BEND2: variants seen among roughly 807,000 people sequenced by gnomAD.
The protein encoded by BEND2 is BEN domain containing 2.
Under a neutral mutation model 43.8 loss-of-function variants are expected in BEND2, and 19 were observed. The ratio of observed to expected loss-of-function variants is 0.43; its 90% CI spans 0.30 to 0.64. The LOEUF is 0.64. Among genes scored for constraint, BEND2 ranks in the 30% least tolerant of loss-of-function variants. The pLI is 0.11. For missense variants in BEND2, 544 were observed against 574.0 expected, an observed-to-expected ratio of 0.95 and a Z score of 0.53; for synonymous variants, 226 against 210.1, an observed-to-expected ratio of 1.08 and a Z score of -0.66.
chrX:18,188,007 C>A (rs946572746), intron 8 of BEND2, among the ~76,000 whole-genome samples: 1 of 109,509 alleles, frequency 9.1e-6, no homozygotes, highest in Middle Eastern at 4.7e-3. Context: ...CACAACATAC[C>A]AAAACCTATG....
At chrX:18,179,177 C>CTTTTTTTTT (rs1924285775) in intron 9 of BEND2, among the ~76,000 whole-genome samples, 2 of 74,581 alleles carry the variant, frequency 2.7e-5, no homozygotes, top group African/African-American at 5.1e-5. Context: ...ACTTTTGTTT[C>CTTTTTTTTT]TGTTTTTTTT....
intron 1 of BEND2, among the ~76,000 whole-genome samples, chrX:18,219,092 C>G (rs1032167857): frequency 9.0e-6 from 1 of 111,694 alleles, no homozygotes; most frequent in Admixed American, 9.5e-5. Flanking sequence ...TCTAAACCTT[C>G]CTGCGGGACT....
chrX:18,174,056 T>C lies in BEND2; in HGVS notation c.1955A>G (p.Asn652Ser), dbSNP rs1924058566. ...CCATGCTTCACCAGGTTCCTCTGGATTATCAGTGGAAGGTTCTCGCATTCC... is the reference window on the plus strand; with the variant it reads ...CCATGCTTCACCAGGTTCCTCTGGACTATCAGTGGAAGGTTCTCGCATTCC... ...PEGMREPSTD[N>S]PEEPGEAWSY... The change falls in exon 12 of 14, where the codon AAT becomes AGT. Residue 652 changes from asparagine (N) to serine (S), a missense_variant. Coordinates refer to ENST00000380033, the MANE Select transcript of BEND2 (RefSeq NM_153346.5). 3 of 1,208,970 alleles carry C rather than the reference T, an allele frequency of 2.5e-6. No individual in the cohort carries two copies. The African/African-American group carries it at 5.2e-5, about 21-fold the overall frequency.
intron 8 of BEND2, among the ~76,000 whole-genome samples, chrX:18,187,770 A>G (rs1357635352): frequency 8.9e-6 from 1 of 112,367 alleles, no homozygotes; most frequent in African/African-American, 3.2e-5. Context: ...TAAGTCACAA[A>G]ATAAGTCTGA....
At chrX:18,175,008 C>G (rs1924100118) in intron 11 of BEND2, among the ~76,000 whole-genome samples, 1 of 111,811 alleles carries the variant, frequency 8.9e-6, no homozygotes, top group South Asian at 3.7e-4. Context: ...CATTCCTAGT[C>G]AAGCACATAG....
chrX:18,186,987 C>G (rs959041244), intron 8 of BEND2, among the ~76,000 whole-genome samples: 1 of 105,165 alleles, frequency 9.5e-6, no homozygotes, highest in Non-Finnish European at 1.9e-5. Flanking sequence ...AAAAAAGATA[C>G]GATGGACACA....
rs1195613866 is a variant in BEND2, at chrX:18,198,850, C to T, written c.1033+2965G>A. Among the ~76,000 whole-genome samples the T allele has an allele frequency of 3.7e-5, 4 of 107,520 alleles. No individual in the cohort carries two copies. In the East Asian group the frequency reaches 1.2e-3, roughly 32 times the overall value. The allele number at this position is 107,520 out of a possible 115,157, so 93.4% of individuals were successfully genotyped here. ...GGATTAAGAAAATGTGGCACATATA[C>T]ACCATGGAATACTATGCAGCCATAA... is the stretch of plus-strand genomic sequence containing the variant. On this transcript the variant is annotated intron_variant, in intron 6 of 13. Transcript: ENST00000380033.
chrX:18,176,066 C>G lies in BEND2; in HGVS notation c.1658G>C (p.Cys553Ser), dbSNP rs930777618. The G allele has an allele frequency of 6.7e-6, 8 of 1,196,631 alleles. No individual in the cohort carries two copies. Among genetic ancestry groups the G allele is most frequent in the Non-Finnish European group, 6.7e-6 (6 of 889,862 alleles). Residue 553 changes from cysteine (C) to serine (S), a missense_variant, in exon 11 of 14, where the codon TGT (cysteine) becomes TCT (serine). Coordinates refer to ENST00000380033, the MANE Select transcript of BEND2 (RefSeq NM_153346.5). ...REYLATTFPT[C>S]DLHEHGKDWQ... is the part of the protein sequence containing the mutation. The stretch of plus-strand genomic sequence containing the variant: ...GTCTTTTCCATGTTCATGCAAATCA[C>G]AGGTGGGAAAAGTTGTTGCCAGATA...
At chrX:18,200,616 T>G (rs1334739679) in intron 6 of BEND2, among the ~76,000 whole-genome samples, 1 of 110,690 alleles carries the variant, frequency 9.0e-6, no homozygotes, top group African/African-American at 3.3e-5. Context: ...TACCCCAAAA[T>G]TACATACTGT....
intron 12 of BEND2, among the ~76,000 whole-genome samples, chrX:18,172,545 T>A (rs919105338): frequency 1.7e-4 from 19 of 110,224 alleles, no homozygotes; most frequent in African/African-American, 5.6e-4. Flanking sequence ...TACAAAAAAA[T>A]TAGCCGGGCA....
chrX:18,206,527 G>A lies in BEND2; in HGVS notation c.493-2612C>T, dbSNP rs749721003. On this transcript the variant is annotated intron_variant, in intron 4 of 13. Transcript: ENST00000380033. ...GCTTCTCCAAGCTGTGGGAGAACAC[G>A]TAGAGGGGAAGGAGGGTCAGGAGCT... is the stretch of plus-strand genomic sequence containing the variant. Among the ~76,000 whole-genome samples the A allele has an allele frequency of 2.7e-5, 3 of 110,916 alleles. No individual in the cohort carries two copies. In the South Asian group the frequency reaches 1.2e-3, roughly 43 times the overall value.
intron 8 of BEND2, among the ~76,000 whole-genome samples, chrX:18,186,992 G>A (rs921554905): frequency 9.4e-6 from 1 of 106,679 alleles, no homozygotes; most frequent in African/African-American, 3.4e-5. Flanking sequence ...AGATACGATG[G>A]ACACACACAC....
chrX:18,206,904 C>T (rs968157194), intron 4 of BEND2, among the ~76,000 whole-genome samples: 3 of 111,724 alleles, frequency 2.7e-5, no homozygotes, highest in Non-Finnish European at 5.7e-5. Flanking sequence ...CAAGCTGCAG[C>T]GCCACCCCTG....
chrX:18,178,394 T>C (rs1040903442), intron 9 of BEND2, among the ~76,000 whole-genome samples: 1 of 111,683 alleles, frequency 9.0e-6, no homozygotes, highest in African/African-American at 3.3e-5. Flanking sequence ...AGGAGATAAG[T>C]TATTTGAAAA....
At chrX:18,200,982 A>T (rs1477902525) in intron 6 of BEND2, among the ~76,000 whole-genome samples, 1 of 112,388 alleles carries the variant, frequency 8.9e-6, no homozygotes, top group Non-Finnish European at 1.9e-5. Flanking sequence ...CCTTTGGGGG[A>T]AATGGCTAAA....
At chrX:18,197,573 A>T (rs1180681076) in intron 6 of BEND2, among the ~76,000 whole-genome samples, 1 of 112,274 alleles carries the variant, frequency 8.9e-6, no homozygotes, top group East Asian at 2.8e-4. Context: ...AGGCCGGCAG[A>T]TGAAGAGGAA....
At chrX:18,181,067 T>A (rs976524375) in intron 8 of BEND2, among the ~76,000 whole-genome samples, 3 of 110,914 alleles carry the variant, frequency 2.7e-5, no homozygotes, top group Non-Finnish European at 5.7e-5. Context: ...AAAGAATGGC[T>A]AAAAGAAGAT....
intron 6 of BEND2, 25 bp from the exon 7 acceptor site, chrX:18,195,467 C>T: frequency 8.6e-7 from 1 of 1,165,315 alleles, no homozygotes; most frequent in Non-Finnish European, 1.2e-6. Context: ...AAAGAATGCT[C>T]AATCATAAAT....
chrX:18,218,924 G>A (rs865839853), intron 1 of BEND2, among the ~76,000 whole-genome samples: 1 of 112,122 alleles, frequency 8.9e-6, no homozygotes, highest in Non-Finnish European at 1.9e-5. Context: ...CTACCAAGGC[G>A]CAAGGCTTTC....
Sources: allele counts gnomAD v4.1 joint callset (sites outside exome capture counted in the v4.1 genomes callset), GRCh38; gene constraint gnomAD v4.1.1; transcripts MANE v1.5; gene names NCBI Gene and HGNC (gene_info 2026-07-23, HGNC 2026-07-21).